MACROD2: variants seen among roughly 807,000 people sequenced by gnomAD.
MACROD2 encodes ADP-ribose glycohydrolase MACROD2.
MACROD2 carries 36 observed loss-of-function variants against 70.4 expected under a neutral mutation model. The ratio of observed to expected loss-of-function variants is 0.51; its 90% CI spans 0.39 to 0.68. The LOEUF is 0.68. Ranked by LOEUF, MACROD2 falls within the 30% of genes least tolerant of loss-of-function variation. MACROD2 has a pLI of 0.00. For synonymous variants in MACROD2, 172 were observed against 178.8 expected (o/e 0.96, Z 0.30); for missense variants, 496 against 538.4 (o/e 0.92, Z 0.78).
chr20:15,375,268 C>T (rs1000226763), intron 6 of MACROD2, among the ~76,000 whole-genome samples: 1 of 152,084 alleles, frequency 6.6e-6, no homozygotes, highest in African/African-American at 2.4e-5. Context: ...TATAGATAAA[C>T]TCGTGAGATA....
intron 3 of MACROD2, among the ~76,000 whole-genome samples, chr20:14,247,720 G>A (rs2081978525): frequency 6.6e-6 from 1 of 152,094 alleles, no homozygotes; most frequent in Non-Finnish European, 1.5e-5. Flanking sequence ...GATTATTGAA[G>A]GAATAGAGCA....
At chr20:15,159,830 C>T (rs148692741) in intron 5 of MACROD2, among the ~76,000 whole-genome samples, 22 of 151,976 alleles carry the variant, frequency 1.4e-4, no homozygotes, top group Non-Finnish European at 2.2e-4. Flanking sequence ...AAGCAAGGCA[C>T]TGTTGGAGAG....
At chr20:14,023,784 G>A (rs6079260) in intron 2 of MACROD2, among the ~76,000 whole-genome samples, 4 of 152,282 alleles carry the variant, frequency 2.6e-5, no homozygotes, top group African/African-American at 9.6e-5. Flanking sequence ...CCAGTATCAT[G>A]CTGTTTTGGT....
At chr20:14,548,005 T>A (rs1978382798) in intron 4 of MACROD2, among the ~76,000 whole-genome samples, 1 of 152,144 alleles carries the variant, frequency 6.6e-6, no homozygotes, top group African/African-American at 2.4e-5. Flanking sequence ...CTGCATTTGG[T>A]TGCTCAAAGC....
At chr20:15,310,182 A>C (rs2077737229) in intron 6 of MACROD2, among the ~76,000 whole-genome samples, 1 of 152,230 alleles carries the variant, frequency 6.6e-6, no homozygotes, top group South Asian at 2.1e-4. Flanking sequence ...CCTGGCAGAA[A>C]GCCTGGGAAA....
chr20:15,041,385 C>A (rs1001773704), intron 5 of MACROD2, among the ~76,000 whole-genome samples: 1 of 152,054 alleles, frequency 6.6e-6, no homozygotes. Context: ...TCATGTACTT[C>A]TAGATTTTAT....
At chr20:14,975,124 G>A (rs1037738005) in intron 5 of MACROD2, among the ~76,000 whole-genome samples, 1 of 151,996 alleles carries the variant, frequency 6.6e-6, no homozygotes, top group African/African-American at 2.4e-5. Context: ...ACAAATTTTG[G>A]TAATGAAAAA....
intron 5 of MACROD2, among the ~76,000 whole-genome samples, chr20:14,691,103 AGCTGGGGTTTC>A (rs2071058316): frequency 6.6e-6 from 1 of 152,072 alleles, no homozygotes; most frequent in African/African-American, 2.4e-5. Context: ...TGTTTACTAG[AGCTGGGGTTTC>A]GCCATGTTGG....
At chr20:14,299,683 A>T (rs1420542494) in intron 3 of MACROD2, among the ~76,000 whole-genome samples, 1 of 152,196 alleles carries the variant, frequency 6.6e-6, no homozygotes, top group Admixed American at 6.5e-5. Flanking sequence ...TAAAACTTAA[A>T]AACAAACCCT....
At chr20:15,136,628 T>A (rs1220139791) in intron 5 of MACROD2, among the ~76,000 whole-genome samples, 1 of 151,858 alleles carries the variant, frequency 6.6e-6, no homozygotes, top group African/African-American at 2.4e-5. Context: ...AACCTAGGCA[T>A]TACCATTCAG....
chr20:14,225,284 G>C (rs190902172), intron 3 of MACROD2, among the ~76,000 whole-genome samples: 151 of 152,238 alleles, frequency 9.9e-4, no homozygotes, highest in Non-Finnish European at 9.4e-4. Flanking sequence ...TGCTTTGAAA[G>C]GGGAAATTTA....
At chr20:15,240,698 C>A (rs1483018995) in intron 6 of MACROD2, among the ~76,000 whole-genome samples, 1 of 152,142 alleles carries the variant, frequency 6.6e-6, no homozygotes, top group African/African-American at 2.4e-5. Flanking sequence ...AAATCTCTAA[C>A]CCCCAATGTG....
chr20:15,982,155 C>T (rs904624728), intron 13 of MACROD2, among the ~76,000 whole-genome samples: 1 of 152,110 alleles, frequency 6.6e-6, no homozygotes, highest in Admixed American at 6.6e-5. Flanking sequence ...AGTCCTTAAT[C>T]TTACTTTAAA....
chr20:15,646,115 G>T (rs1328249969), intron 8 of MACROD2, among the ~76,000 whole-genome samples: 1 of 152,124 alleles, frequency 6.6e-6, no homozygotes, highest in African/African-American at 2.4e-5. Context: ...TCACTGTTCT[G>T]AGCTGATAGG....
chr20:14,180,691 TTA>T (rs1345655605), intron 3 of MACROD2, among the ~76,000 whole-genome samples: 3 of 152,052 alleles, frequency 2.0e-5, no homozygotes, highest in African/African-American at 7.2e-5. Flanking sequence ...ATTTTTCTGT[TTA>T]TGTTAGTTTG....
chr20:14,070,323 T>TTGTG (rs57671586), intron 2 of MACROD2, among the ~76,000 whole-genome samples: 19,053 of 150,700 alleles, frequency 0.13, 1,166 homozygotes, highest in East Asian at 0.19. Flanking sequence ...ATAGAGGGGT[T>TTGTG]TGTGTGTGTG....
chr20:14,705,695 G>A (rs970284454), intron 5 of MACROD2, among the ~76,000 whole-genome samples: 6 of 152,306 alleles, frequency 3.9e-5, no homozygotes, highest in South Asian at 4.2e-4. Flanking sequence ...TTGGGAAGTA[G>A]AAGTTATAAT....
intron 5 of MACROD2, among the ~76,000 whole-genome samples, chr20:15,140,821 A>G (rs2076186286): frequency 6.6e-6 from 1 of 152,186 alleles, no homozygotes; most frequent in Non-Finnish European, 1.5e-5. Flanking sequence ...TCCCAAAACT[A>G]ATTCATGCTT....
chr20:15,962,609 CTGTTAGCACACAGGGTGA>C (rs2066078943), intron 12 of MACROD2, among the ~76,000 whole-genome samples: 1 of 152,208 alleles, frequency 6.6e-6, no homozygotes, highest in South Asian at 2.1e-4. Context: ...GTCTCAAAGA[CTGTTAGCACACAGGGTGA>C]TGATCCCTAA....
Sources: gnomAD v4.1 joint callset for allele counts (sites outside exome capture counted in the v4.1 genomes callset) on GRCh38, gnomAD v4.1.1 for gene constraint, MANE v1.5 for transcripts, NCBI Gene and HGNC (gene_info 2026-07-23, HGNC 2026-07-21) for gene names.